NUP62CL: variants seen among roughly 807,000 people sequenced by gnomAD.
NUP62CL encodes the protein nucleoporin 62 C-terminal like.
Under a neutral mutation model 15.3 loss-of-function variants are expected in NUP62CL, and 13 were observed. That is an observed-to-expected ratio of 0.85 (90% CI 0.55 to 1.35). The LOEUF is 1.35. Ranked by LOEUF, NUP62CL falls within the 40% of genes most tolerant of loss-of-function variation. The pLI, the probability that NUP62CL is intolerant of heterozygous loss-of-function variation, is 0.00. For synonymous variants in NUP62CL, 54 were observed against 49.2 expected, an observed-to-expected ratio of 1.10 and a Z score of -0.41; for missense variants, 123 against 130.6, an observed-to-expected ratio of 0.94 and a Z score of 0.28.
chrX:107,131,754 TA>T, intron 8 of NUP62CL: 1 of 990,089 alleles, frequency 1.0e-6, no homozygotes, highest in Non-Finnish European at 1.4e-6. Flanking sequence ...AATGTGAAAA[TA>T]AATGCAAGGT....
chrX:107,170,596 T>A (rs913780808), intron 3 of NUP62CL, among the ~76,000 whole-genome samples: 5 of 110,415 alleles, frequency 4.5e-5, no homozygotes, highest in Non-Finnish European at 9.5e-5. Flanking sequence ...GTATTTTTAG[T>A]ACAGACGGGG....
intron 2 of NUP62CL, among the ~76,000 whole-genome samples, chrX:107,183,787 G>A (rs1466692352): frequency 9.0e-6 from 1 of 111,326 alleles, no homozygotes; most frequent in Non-Finnish European, 1.9e-5. Flanking sequence ...GGTCCTATCT[G>A]CACTCATGCT....
intron 1 of NUP62CL, among the ~76,000 whole-genome samples, chrX:107,198,750 C>T (rs1927416310): frequency 9.0e-6 from 1 of 111,615 alleles, no homozygotes; most frequent in East Asian, 2.8e-4. Flanking sequence ...TCAGCAAGAC[C>T]ACGAACCCAC....
intron 3 of NUP62CL, among the ~76,000 whole-genome samples, chrX:107,171,069 G>T (rs1926640360): frequency 1.8e-5 from 2 of 111,959 alleles, no homozygotes; most frequent in Admixed American, 9.5e-5. Context: ...AATCCATGCT[G>T]GAAATGGACA....
rs753131804 is a variant in NUP62CL at position 107,185,133 on chromosome X, C to T, written c.-48+7896G>A. Among the ~76,000 whole-genome samples, 277 of 95,317 alleles carry T rather than the reference C, an allele frequency of 2.9e-3. 2 individuals carry two copies. The highest frequency in any genetic ancestry group is 0.011 in the African/African-American group (260 of 24,072). 82.8% of individuals were successfully genotyped at this position (95,317 alleles called of 115,157 possible). A position where few individuals can be genotyped will look rare whatever the true frequency, so the allele number is the denominator to read the frequency against. On this transcript the variant is annotated intron_variant, in intron 2 of 8. Coordinates refer to ENST00000372466, the MANE Select transcript of NUP62CL (RefSeq NM_017681.3). The stretch of plus-strand genomic sequence containing the variant: ...AATGGCGTGTACCCCGGAGGCGGAG[C>T]TTGCAGTGAGCCGAGATCGCGCCAC...
chrX:107,129,002 CGGA>C (rs1009935334), intron 8 of NUP62CL, among the ~76,000 whole-genome samples: 13 of 111,340 alleles, frequency 1.2e-4, no homozygotes, highest in Non-Finnish European at 2.5e-4. Context: ...TAAGACTAGG[CGGA>C]GGAGACCACT....
chrX:107,203,087 C>G (rs768218448), intron 1 of NUP62CL, among the ~76,000 whole-genome samples: 1 of 109,363 alleles, frequency 9.1e-6, no homozygotes, highest in South Asian at 4.0e-4. Context: ...ATTCATACAT[C>G]CAAGAGGGGC....
chrX:107,152,893 A>T (rs1188208573), intron 7 of NUP62CL, among the ~76,000 whole-genome samples: 1 of 112,293 alleles, frequency 8.9e-6, no homozygotes, highest in African/African-American at 3.2e-5. Context: ...TTTGACAAAT[A>T]CAAAAACTTT....
chrX:107,136,752 A>G (rs1350331442), intron 8 of NUP62CL, among the ~76,000 whole-genome samples: 1 of 112,580 alleles, frequency 8.9e-6, no homozygotes, highest in Non-Finnish European at 1.9e-5. Context: ...CACATATGTA[A>G]GGCTGACTCA....
At chrX:107,149,829 CCA>C (rs975182665) in intron 7 of NUP62CL, among the ~76,000 whole-genome samples, 1 of 111,278 alleles carries the variant, frequency 9.0e-6, no homozygotes, top group African/African-American at 3.3e-5. Context: ...ACTACTACTG[CCA>C]CAGAGTGGGA....
intron 7 of NUP62CL, among the ~76,000 whole-genome samples, chrX:107,151,309 G>A (rs753431506): frequency 3.6e-5 from 4 of 111,705 alleles, no homozygotes; most frequent in African/African-American, 1.3e-4. Context: ...CAAAAGAGAA[G>A]TTATTTAGGG....
At chrX:107,141,831 G>A (rs184744687) in intron 8 of NUP62CL, among the ~76,000 whole-genome samples, 3,520 of 109,903 alleles carry the variant, frequency 0.032, 156 homozygotes, top group African/African-American at 0.11. Context: ...AGGCCGAGGC[G>A]GTGGATCACT....
At chrX:107,170,458 G>A (rs1247201240) in intron 3 of NUP62CL, among the ~76,000 whole-genome samples, 1 of 106,054 alleles carries the variant, frequency 9.4e-6, no homozygotes, top group Non-Finnish European at 1.9e-5. Context: ...TGTCACCCAG[G>A]CTAGAGTGCA....
intron 3 of NUP62CL, among the ~76,000 whole-genome samples, chrX:107,170,594 A>G (rs1242923242): frequency 9.1e-5 from 10 of 110,148 alleles, no homozygotes; most frequent in African/African-American, 3.3e-4. Context: ...TTGTATTTTT[A>G]GTACAGACGG....
chrX:107,164,384 C>T (rs112869192), intron 4 of NUP62CL, among the ~76,000 whole-genome samples: 1 of 110,276 alleles, frequency 9.1e-6, no homozygotes, highest in African/African-American at 3.3e-5. Context: ...TAAATGTGTA[C>T]GTTAAAAAAT....
intron 8 of NUP62CL, among the ~76,000 whole-genome samples, chrX:107,126,588 A>G (rs1448670991): frequency 8.9e-6 from 1 of 112,380 alleles, no homozygotes; most frequent in East Asian, 2.8e-4. Context: ...AGGCAATTCA[A>G]TGGTAGAAAT....
At chrX:107,201,070 T>C (rs370463134) in intron 1 of NUP62CL, among the ~76,000 whole-genome samples, 1 of 112,022 alleles carries the variant, frequency 8.9e-6, no homozygotes, top group Non-Finnish European at 1.9e-5. Context: ...TTAAAGTTTA[T>C]TTTTTAATAG....
At chrX:107,192,766 A>T (rs761268880) in intron 2 of NUP62CL, among the ~76,000 whole-genome samples, 1 of 112,185 alleles carries the variant, frequency 8.9e-6, no homozygotes, top group South Asian at 3.7e-4. Context: ...ACTAAAAAAA[A>T]TCAGAAACTG....
At chrX:107,161,944 T>C (rs1926395873) in intron 4 of NUP62CL, among the ~76,000 whole-genome samples, 1 of 103,200 alleles carries the variant, frequency 9.7e-6, no homozygotes, top group African/African-American at 3.5e-5. Context: ...TGAAAATAAT[T>C]TTAAAGCGAC....
Sources: allele counts gnomAD v4.1 joint callset (sites outside exome capture counted in the v4.1 genomes callset), GRCh38; gene constraint gnomAD v4.1.1; transcripts MANE v1.5; gene names NCBI Gene and HGNC (gene_info 2026-07-23, HGNC 2026-07-21).